Variants in OSBPL8 observed in about 807,000 individuals in gnomAD.
The protein encoded by OSBPL8 is oxysterol binding protein like 8.
Under a neutral mutation model 125.5 loss-of-function variants are expected in OSBPL8, and 59 were observed. The observed-to-expected ratio is 0.47, with a 90% CI of 0.38 to 0.58. The LOEUF (loss-of-function observed/expected upper bound fraction) is 0.58. Among genes scored for constraint, OSBPL8 ranks in the 20% least tolerant of loss-of-function variants. The pLI is 0.00. For missense variants in OSBPL8, 758 were observed against 1,047.8 expected (o/e 0.72, Z 3.82); for synonymous variants, 330 against 338.9 (o/e 0.97, Z 0.29).
At chr12:76,533,277 C>A (rs1337883328) in intron 1 of OSBPL8, among the ~76,000 whole-genome samples, 2 of 151,786 alleles carry the variant, frequency 1.3e-5, no homozygotes, top group African/African-American at 4.8e-5. Context: ...TTTTTTAAGA[C>A]CAGGTTTTGA....
chr12:76,378,662 T>A, intron 15 of OSBPL8, 112 bp from the exon 16 acceptor site: 1 of 706,100 alleles, frequency 1.4e-6, no homozygotes, highest in Non-Finnish European at 2.4e-6. Context: ...GTCTTAAAAA[T>A]GTCTCAATCT....
At chr12:76,515,626 C>T (rs1306861573) in intron 1 of OSBPL8, among the ~76,000 whole-genome samples, 6 of 152,064 alleles carry the variant, frequency 3.9e-5, no homozygotes, top group Non-Finnish European at 8.8e-5. Flanking sequence ...CTTTGCACTC[C>T]TGGGCTGCCC....
intron 4 of OSBPL8, among the ~76,000 whole-genome samples, chr12:76,447,771 T>C (rs989962661): frequency 2.0e-5 from 3 of 152,166 alleles, no homozygotes; most frequent in Non-Finnish European, 4.4e-5. Context: ...GGTCTCGAAC[T>C]CCTGACCTCA....
chr12:76,551,873 G>T (rs1950948740), intron 1 of OSBPL8, among the ~76,000 whole-genome samples: 2 of 152,088 alleles, frequency 1.3e-5, no homozygotes, highest in African/African-American at 4.8e-5. Context: ...CAGATTTTCG[G>T]TAGCTTCACA....
chr12:76,430,641 T>C (rs1056640714), intron 4 of OSBPL8, among the ~76,000 whole-genome samples: 6 of 152,178 alleles, frequency 3.9e-5, no homozygotes, highest in African/African-American at 1.2e-4. Context: ...ATAGAAAATC[T>C]AACAAAATCA....
chr12:76,376,475 TA>T (rs1952822594), intron 16 of OSBPL8, among the ~76,000 whole-genome samples: 1 of 152,214 alleles, frequency 6.6e-6, no homozygotes, highest in Non-Finnish European at 1.5e-5. Flanking sequence ...AAACATCTTA[TA>T]AAAATCATTT....
At chr12:76,402,508 T>A (rs762813811) in intron 6 of OSBPL8, among the ~76,000 whole-genome samples, 181 bp downstream of exon 6, 52 of 152,226 alleles carry the variant, frequency 3.4e-4, no homozygotes, top group Non-Finnish European at 7.1e-4. Flanking sequence ...ATCAATCTTA[T>A]CAGTTGACCA....
intron 19 of OSBPL8, 178 bp downstream of exon 19, chr12:76,371,270 G>GA (rs1952608520): frequency 8.6e-6 from 5 of 582,226 alleles, no homozygotes; most frequent in South Asian, 1.4e-4. Flanking sequence ...AAAGCAAGAC[G>GA]ATTTATATTA....
Position 76,388,240 on chromosome 12 carries a change from T to C in OSBPL8, c.1352+1405A>G, listed in dbSNP as rs538131313. Among the ~76,000 whole-genome samples the C allele has an allele frequency of 9.2e-5, 14 of 152,340 alleles. No homozygotes were observed. The East Asian group carries it at 1.5e-3, about 17-fold the overall frequency. On this transcript the variant is annotated intron_variant, in intron 12 of 23. Coordinates refer to ENST00000261183, the MANE Select transcript of OSBPL8 (RefSeq NM_020841.5). ...TCTTGTATATATGCCATTCTGTATA[T>C]GTGGCATTATATCTGTAGGAGTTAT...
At chr12:76,475,122 T>C (rs992488768) in intron 2 of OSBPL8, among the ~76,000 whole-genome samples, 5 of 152,154 alleles carry the variant, frequency 3.3e-5, no homozygotes, top group Non-Finnish European at 7.3e-5. Flanking sequence ...GGGACTCCCA[T>C]GAATTTTTTT....
chr12:76,439,214 A>G (rs1427399686), intron 4 of OSBPL8, among the ~76,000 whole-genome samples: 1 of 152,118 alleles, frequency 6.6e-6, no homozygotes, highest in African/African-American at 2.4e-5. Context: ...CCCCATCTTT[A>G]CTAAAAATAC....
intron 2 of OSBPL8, among the ~76,000 whole-genome samples, chr12:76,474,087 ATAGGCAT>A (rs542422956): frequency 6.6e-6 from 1 of 152,244 alleles, no homozygotes; most frequent in Non-Finnish European, 1.5e-5. Context: ...TAAACACAGT[ATAGGCAT>A]GAACCTAGGA....
Position 76,514,311 on chromosome 12 carries a change from AT to A in OSBPL8, c.-67-26694del, listed in dbSNP as rs372291232. On this transcript the variant is annotated intron_variant, in intron 1 of 23. Coordinates refer to ENST00000261183, the MANE Select transcript of OSBPL8 (RefSeq NM_020841.5). The stretch of plus-strand genomic sequence containing the variant: ...AGCTGCCTGCCACCACGCCCAGCTA[AT>A]TTTTTTTTTTTTTGTATTTTTAGTA... Among the ~76,000 whole-genome samples the A allele has an allele frequency of 3.2e-3, 469 of 144,826 alleles. 4 individuals are homozygous for A. Among genetic ancestry groups the A allele is most frequent in the African/African-American group, 8.0e-3 (316 of 39,498 alleles).
intron 1 of OSBPL8, among the ~76,000 whole-genome samples, chr12:76,535,775 G>C (rs961690585): frequency 4.6e-5 from 7 of 152,102 alleles, no homozygotes; most frequent in African/African-American, 1.7e-4. Flanking sequence ...AACCAGACAA[G>C]AGTACATACT....
At chr12:76,384,825 C>A (rs1459322659) in intron 14 of OSBPL8, among the ~76,000 whole-genome samples, 2 of 152,164 alleles carry the variant, frequency 1.3e-5, no homozygotes, top group African/African-American at 4.8e-5. Flanking sequence ...TAGATGACTG[C>A]AAAGCTGGCT....
At chr12:76,358,335 G>A (rs113698884) in intron 22 of OSBPL8, among the ~76,000 whole-genome samples, 226 of 151,574 alleles carry the variant, frequency 1.5e-3, no homozygotes, top group African/African-American at 5.0e-3. Context: ...GTGCACCACC[G>A]CACCTGGCTA....
At chr12:76,556,214 C>T (rs935039335) in intron 1 of OSBPL8, among the ~76,000 whole-genome samples, 1 of 152,096 alleles carries the variant, frequency 6.6e-6, no homozygotes, top group Non-Finnish European at 1.5e-5. Flanking sequence ...CAATGGTGAG[C>T]AAAACAGACA....
At chr12:76,484,943 G>T (rs369050508) in intron 2 of OSBPL8, among the ~76,000 whole-genome samples, 1 of 151,954 alleles carries the variant, frequency 6.6e-6, no homozygotes, top group South Asian at 2.1e-4. Context: ...TTTTTGAGAC[G>T]GAGTTTCGCT....
intron 11 of OSBPL8, 138 bp downstream of exon 11, chr12:76,390,282 A>G (rs1953502245): frequency 1.6e-6 from 1 of 630,994 alleles, no homozygotes; most frequent in Non-Finnish European, 2.8e-6. Flanking sequence ...AATATATTTC[A>G]TATGTATGCA....
Sources: gnomAD v4.1 joint callset for allele counts (sites outside exome capture counted in the v4.1 genomes callset) on GRCh38, gnomAD v4.1.1 for gene constraint, MANE v1.5 for transcripts, NCBI Gene and HGNC (gene_info 2026-07-23, HGNC 2026-07-21) for gene names.